The following WDR72 variants were observed in gnomAD, a reference collection of about 807,000 sequenced individuals.
The protein encoded by WDR72 is WD repeat domain 72.
Under a neutral mutation model 124.2 loss-of-function variants are expected in WDR72, and 120 were observed. The observed-to-expected ratio is 0.97, with a 90% confidence interval of 0.83 to 1.12. The LOEUF (loss-of-function observed/expected upper bound fraction) is 1.12, where lower values mean the gene tolerates loss of function less well. Among genes scored for constraint, WDR72 ranks in the 50% most tolerant of loss-of-function variants. WDR72 has a pLI of 0.00. For synonymous variants in WDR72, 452 were observed against 441.7 expected, an observed-to-expected ratio of 1.02 and a Z score of -0.29; for missense variants, 1,387 against 1,278.8, an observed-to-expected ratio of 1.08 and a Z score of -1.29.
At chr15:53,550,789 C>T (rs542551823) in intron 18 of WDR72, among the ~76,000 whole-genome samples, 4 of 152,114 alleles carry the variant, frequency 2.6e-5, no homozygotes, top group African/African-American at 4.8e-5. Context: ...TTATTGAGCA[C>T]CTACTATGTG....
chr15:53,686,455 A>G (rs1049216018), intron 13 of WDR72, among the ~76,000 whole-genome samples: 1 of 150,684 alleles, frequency 6.6e-6, no homozygotes, highest in Admixed American at 6.6e-5. Context: ...AGATCAAAAG[A>G]GACAAAGAAG....
chr15:53,656,756 A>G (rs1204869737), intron 14 of WDR72, among the ~76,000 whole-genome samples: 1 of 152,184 alleles, frequency 6.6e-6, no homozygotes, highest in Non-Finnish European at 1.5e-5. Context: ...TTAGTCATTA[A>G]AAAAACAGAA....
chr15:53,577,569 T>A (rs1566967665), intron 18 of WDR72, among the ~76,000 whole-genome samples: 1 of 152,162 alleles, frequency 6.6e-6, no homozygotes, highest in Non-Finnish European at 1.5e-5. Flanking sequence ...TGCTTTATAA[T>A]GGATATATAA....
chr15:53,575,240 T>G (rs914769232), intron 18 of WDR72, among the ~76,000 whole-genome samples: 1 of 152,080 alleles, frequency 6.6e-6, no homozygotes, highest in African/African-American at 2.4e-5. Context: ...CAGAAAACTC[T>G]CAGGTGTAAA....
intron 1 of WDR72, among the ~76,000 whole-genome samples, chr15:53,735,859 T>A (rs544346176): frequency 4.0e-5 from 6 of 151,774 alleles, no homozygotes; most frequent in Non-Finnish European, 4.4e-5. Context: ...AAGATGAAAT[T>A]AAAAACCCAA....
At chr15:53,578,622 A>G (rs963854192) in intron 18 of WDR72, among the ~76,000 whole-genome samples, 7 of 152,110 alleles carry the variant, frequency 4.6e-5, no homozygotes, top group Non-Finnish European at 1.0e-4. Context: ...GAGGCAAAAT[A>G]AGACTAGAGA....
intron 14 of WDR72, among the ~76,000 whole-genome samples, chr15:53,658,704 A>C (rs944553068): frequency 2.6e-5 from 4 of 152,232 alleles, no homozygotes; most frequent in Middle Eastern, 3.2e-3. Flanking sequence ...TAGAGAATCC[A>C]AATTAAACTT....
At chr15:53,743,844 G>A (rs1360600316) in intron 1 of WDR72, among the ~76,000 whole-genome samples, 2 of 152,082 alleles carry the variant, frequency 1.3e-5, no homozygotes, top group Non-Finnish European at 2.9e-5. Context: ...GCGTGGTGGT[G>A]GGCGCCTGTA....
At chr15:53,622,874 C>G (rs144756433) in intron 14 of WDR72, among the ~76,000 whole-genome samples, 31 of 152,234 alleles carry the variant, frequency 2.0e-4, no homozygotes, top group Admixed American at 3.3e-4. Flanking sequence ...TTAACATGTA[C>G]TACCCTCCCC....
chr15:53,636,211 A>G (rs914821854), intron 14 of WDR72, among the ~76,000 whole-genome samples: 13 of 152,186 alleles, frequency 8.5e-5, no homozygotes, highest in Non-Finnish European at 1.8e-4. Context: ...CCATGTCCCA[A>G]TTAAGTCTGT....
intron 18 of WDR72, among the ~76,000 whole-genome samples, chr15:53,579,410 C>G (rs2011795738): frequency 6.6e-6 from 1 of 152,078 alleles, no homozygotes; most frequent in Admixed American, 6.6e-5. Context: ...CCTAAATGTT[C>G]TAAGCCCATC....
At chr15:53,521,118 T>G (rs1891769621) in intron 19 of WDR72, among the ~76,000 whole-genome samples, 1 of 152,126 alleles carries the variant, frequency 6.6e-6, no homozygotes, top group African/African-American at 2.4e-5. Flanking sequence ...AACAAGTTTC[T>G]TTCAGTTCAC....
intron 13 of WDR72, among the ~76,000 whole-genome samples, chr15:53,696,556 C>T (rs2017009566): frequency 1.3e-5 from 2 of 152,220 alleles, no homozygotes; most frequent in Non-Finnish European, 2.9e-5. Flanking sequence ...TCCATACCTT[C>T]AAATAGCTCT....
intron 18 of WDR72, among the ~76,000 whole-genome samples, chr15:53,579,868 T>C (rs573026603): frequency 1.3e-5 from 2 of 152,196 alleles, no homozygotes; most frequent in East Asian, 3.9e-4. Context: ...AATAGAAAGA[T>C]CAAGGGCTGG....
chr15:53,603,254 A>C (rs1438353790), intron 17 of WDR72, among the ~76,000 whole-genome samples: 1 of 152,202 alleles, frequency 6.6e-6, no homozygotes, highest in Non-Finnish European at 1.5e-5. Context: ...TTATCTCCAT[A>C]GAAGCAGAAA....
intron 1 of WDR72, among the ~76,000 whole-genome samples, chr15:53,758,319 C>T (rs939788003): frequency 9.9e-5 from 15 of 152,042 alleles, no homozygotes; most frequent in Admixed American, 5.9e-4. Flanking sequence ...ATTTTCTTGA[C>T]AAAATACTTA....
chr15:53,720,522 A>G (rs2017848163), intron 3 of WDR72, among the ~76,000 whole-genome samples: 1 of 152,200 alleles, frequency 6.6e-6, no homozygotes, highest in South Asian at 2.1e-4. Context: ...GTCTGTTGGT[A>G]TAGTGAGTAC....
At chr15:53,583,327 A>T (rs1243841363) in intron 18 of WDR72, among the ~76,000 whole-genome samples, 1 of 152,066 alleles carries the variant, frequency 6.6e-6, no homozygotes, top group Non-Finnish European at 1.5e-5. Flanking sequence ...TTTGAAAATA[A>T]CTCATCTAAT....
chr15:53,531,502 A>G (rs1186567205), intron 18 of WDR72, among the ~76,000 whole-genome samples: 1 of 152,208 alleles, frequency 6.6e-6, no homozygotes, highest in South Asian at 2.1e-4. Flanking sequence ...GTCTCACTGC[A>G]TAACACTGAG....
Sources: allele counts gnomAD v4.1 joint callset (sites outside exome capture counted in the v4.1 genomes callset), GRCh38; gene constraint gnomAD v4.1.1; transcripts MANE v1.5; gene names NCBI Gene and HGNC (gene_info 2026-07-23, HGNC 2026-07-21).